FOXP2: variants seen among roughly 807,000 people sequenced by gnomAD.
FOXP2 encodes forkhead box protein P2.
A neutral mutation model predicts 115.8 loss-of-function variants in FOXP2; 12 were observed. That is an observed-to-expected ratio of 0.10 (90% CI 0.07 to 0.17). FOXP2 has a LOEUF of 0.17. FOXP2 is among the 10% of genes least tolerant of loss of function. The pLI, the probability that FOXP2 is intolerant of heterozygous loss-of-function variation, is 1.00. For synonymous variants in FOXP2, 328 were observed against 297.7 expected (o/e 1.10, Z -1.05); for missense variants, 629 against 843.5 (o/e 0.75, Z 3.15).
chr7:114,675,548 A>G (rs935714644), intron 16 of FOXP2, among the ~76,000 whole-genome samples: 2 of 152,184 alleles, frequency 1.3e-5, no homozygotes, highest in Non-Finnish European at 2.9e-5. Context: ...AACTAATTTG[A>G]ATGAAAATTT....
intron 2 of FOXP2, among the ~76,000 whole-genome samples, chr7:114,295,032 G>A (rs547013889): frequency 1.3e-4 from 19 of 151,786 alleles, no homozygotes; most frequent in African/African-American, 3.9e-4. Context: ...AAAAGAAAAC[G>A]ATAACTTGTT....
chr7:114,467,849 C>T (rs1795879275), intron 2 of FOXP2, among the ~76,000 whole-genome samples: 2 of 151,928 alleles, frequency 1.3e-5, no homozygotes, highest in African/African-American at 4.8e-5. Context: ...TTTGGAAGGC[C>T]CTTCTGGGAT....
intron 6 of FOXP2, among the ~76,000 whole-genome samples, chr7:114,640,056 T>C (rs184986099): frequency 6.6e-6 from 1 of 151,624 alleles, no homozygotes; most frequent in African/African-American, 2.4e-5. Context: ...CAGGCAAGAG[T>C]TGACAATACA....
intron 2 of FOXP2, among the ~76,000 whole-genome samples, chr7:114,362,420 C>G (rs1791774381): frequency 6.6e-6 from 1 of 151,476 alleles, no homozygotes; most frequent in South Asian, 2.1e-4. Context: ...AAACAAAAAG[C>G]AAAAAACAAA....
At chr7:114,210,635 G>A (rs1794322145) in intron 1 of FOXP2, among the ~76,000 whole-genome samples, 3 of 152,174 alleles carry the variant, frequency 2.0e-5, no homozygotes, top group African/African-American at 7.2e-5. Context: ...ATGGGATCAG[G>A]GACCTGTTTA....
intron 2 of FOXP2, among the ~76,000 whole-genome samples, chr7:114,335,333 T>G (rs540362813): frequency 6.6e-6 from 1 of 151,964 alleles, no homozygotes; most frequent in East Asian, 1.9e-4. Context: ...TAAAGTGAAT[T>G]CATAGATTTT....
intron 1 of FOXP2, among the ~76,000 whole-genome samples, chr7:114,241,449 AT>A (rs1213945432): frequency 4.6e-5 from 7 of 152,136 alleles, no homozygotes; most frequent in African/African-American, 1.7e-4. Flanking sequence ...AATTTAAGTC[AT>A]GCACAAATCT....
At chr7:114,366,541 T>C (rs1791887691) in intron 2 of FOXP2, 1 of 152,152 alleles carries the variant, frequency 6.6e-6, no homozygotes, top group Non-Finnish European at 1.5e-5. Flanking sequence ...AGTTGGATGT[T>C]TGTCAATAAA....
At chr7:114,204,915 CA>C (rs60413933) in intron 1 of FOXP2, among the ~76,000 whole-genome samples, 126,723 of 141,910 alleles carry the variant, frequency 0.89, 56,647 homozygotes, top group Middle Eastern at 0.94. Flanking sequence ...TTGTGTGTGC[CA>C]AAAAAAAAAA....
chr7:114,162,459 A>G (rs1178512830), upstream of FOXP2, among the ~76,000 whole-genome samples: 1 of 151,996 alleles, frequency 6.6e-6, no homozygotes, highest in Non-Finnish European at 1.5e-5. Flanking sequence ...GGTCTGTTTC[A>G]TGTTCTTAAA....
chr7:114,419,586 T>C (rs561694223), intron 1 of FOXP2, among the ~76,000 whole-genome samples: 1 of 151,960 alleles, frequency 6.6e-6, no homozygotes, highest in South Asian at 2.1e-4. Context: ...CTAACATTAG[T>C]GGAAGCTAAG....
At chr7:114,099,969 T>C (rs1584478504) in intron 1 of FOXP2, among the ~76,000 whole-genome samples, 1 of 152,244 alleles carries the variant, frequency 6.6e-6, no homozygotes, top group Admixed American at 6.5e-5. Flanking sequence ...GTTAATTTGC[T>C]TCACTATAGT....
At chr7:114,340,138 C>G (rs917731131) in intron 2 of FOXP2, among the ~76,000 whole-genome samples, 1 of 151,024 alleles carries the variant, frequency 6.6e-6, no homozygotes, top group African/African-American at 2.4e-5. Context: ...CTAGGAAAAC[C>G]TGTATTTTAT....
At chr7:114,566,205 T>A (rs1180893651) in intron 3 of FOXP2, among the ~76,000 whole-genome samples, 1 of 152,166 alleles carries the variant, frequency 6.6e-6, no homozygotes, top group Admixed American at 6.6e-5. Context: ...AAAGTTTGAT[T>A]TGTTTTATAA....
At chr7:114,297,070 T>C (rs1231892300) in intron 2 of FOXP2, 3 of 397,628 alleles carry the variant, frequency 7.5e-6, no homozygotes, top group Admixed American at 6.9e-5. Context: ...TTTTTTCCTG[T>C]CAAGCTGCCC....
chr7:114,660,994 T>G (rs1350625621), intron 13 of FOXP2, among the ~76,000 whole-genome samples: 1 of 151,622 alleles, frequency 6.6e-6, no homozygotes, highest in Admixed American at 6.6e-5. Context: ...TTCAGAGCCA[T>G]GGGCATTAAG....
chr7:114,259,753 C>G (rs1335908321), intron 1 of FOXP2, among the ~76,000 whole-genome samples: 1 of 151,926 alleles, frequency 6.6e-6, no homozygotes, highest in Non-Finnish European at 1.5e-5. Context: ...ATGGGTTTTC[C>G]TGATAATAAT....
chr7:114,244,534 A>G (rs1284694857), intron 1 of FOXP2, among the ~76,000 whole-genome samples: 1 of 152,176 alleles, frequency 6.6e-6, no homozygotes, highest in East Asian at 1.9e-4. Flanking sequence ...GATATGGTCA[A>G]TATTGTAAAC....
At chr7:114,188,059 C>T (rs968707062) in intron 1 of FOXP2, among the ~76,000 whole-genome samples, 2 of 152,066 alleles carry the variant, frequency 1.3e-5, no homozygotes, top group South Asian at 2.1e-4. Context: ...AACATGCAAA[C>T]GATAGCAATA....
Sources: gnomAD v4.1 joint callset for allele counts (sites outside exome capture counted in the v4.1 genomes callset) on GRCh38, gnomAD v4.1.1 for gene constraint, MANE v1.5 for transcripts, NCBI Gene and HGNC (gene_info 2026-07-23, HGNC 2026-07-21) for gene names.